Variants in MAP3K12 observed in about 807,000 individuals in gnomAD.
MAP3K12 encodes the protein MAPK-upstream kinase.
Under a neutral mutation model 87.5 loss-of-function variants are expected in MAP3K12, and 14 were observed. The observed-to-expected ratio is 0.16, with a 90% CI of 0.11 to 0.25. The LOEUF is 0.25. MAP3K12 is among the 10% of genes least tolerant of loss of function. The pLI, the probability that MAP3K12 is intolerant of heterozygous loss-of-function variation, is 1.00. For synonymous variants in MAP3K12, 469 were observed against 452.5 expected (o/e 1.04, Z -0.46); for missense variants, 802 against 1,140.4 (o/e 0.70, Z 4.27).
chr12:53,487,635 T>C (rs1943268173), intron 1 of MAP3K12: 1 of 524,262 alleles, frequency 1.9e-6, no homozygotes, highest in African/African-American at 1.9e-5. Context: ...CTCTCAGGCA[T>C]GTTAGTAAGG....
chr12:53,487,748 T>A (rs1943271695), intron 1 of MAP3K12: 1 of 219,536 alleles, frequency 4.6e-6, no homozygotes, highest in Non-Finnish European at 9.1e-6. Context: ...AGAGTAATGG[T>A]AACAGATGAG....
At chr12:53,484,898 CT>C in intron 6 of MAP3K12, 157 bp downstream of exon 6, 1 of 864,874 alleles carries the variant, frequency 1.2e-6, no homozygotes, top group East Asian at 2.7e-5. Flanking sequence ...CCAATTACCC[CT>C]GGTGACTCAG....
chr12:53,481,108 CATATATATATATAT>C lies in MAP3K12; in HGVS notation c.*60_*73del. ...CCATCTTTCTGTTGATTATGTGGCG[CATATATATATATAT>C]ATGTATATATATATAATTTATATAA... On this transcript the variant is annotated 3_prime_UTR_variant, in exon 14 of 14. Transcript: ENST00000547488. 1.7e-6 allele frequency: 1 copy of C among 580,816 alleles called. No homozygotes were observed. Among genetic ancestry groups the C allele is most frequent in the Non-Finnish European group, 2.3e-6 (1 of 428,958 alleles). The allele number at this position is 580,816 out of a possible 1,614,324, so 36.0% of individuals were successfully genotyped here.
rs1942962780 is a variant in MAP3K12, at chr12:53,480,179, G to C, written c.*1003C>G. The stretch of plus-strand genomic sequence containing the variant: ...AAGCAGTTGATCATATGTCTGACTG[G>C]GTTCCAGTTTCTTGGGAATGTTGGT... On this transcript the variant is annotated 3_prime_UTR_variant, in exon 14 of 14. Coordinates refer to ENST00000547488, the MANE Select transcript of MAP3K12 (RefSeq NM_001193511.2). The C allele has an allele frequency of 6.6e-6, 1 of 152,070 alleles. No individual in the cohort carries two copies. The highest frequency in any genetic ancestry group is 6.6e-5 in the Admixed American group (1 of 15,256). The allele number at this position is 152,070 out of a possible 1,614,324, so 9.4% of individuals were successfully genotyped here.
At chr12:53,497,500 G>A (rs1308337554) in intron 1 of MAP3K12, among the ~76,000 whole-genome samples, 1 of 152,062 alleles carries the variant, frequency 6.6e-6, no homozygotes, top group African/African-American at 2.4e-5. Context: ...CCTTCTCCAC[G>A]CACACATATG....
At chr12:53,499,216 C>T (rs1277243913) in intron 1 of MAP3K12, among the ~76,000 whole-genome samples, 1 of 151,996 alleles carries the variant, frequency 6.6e-6, no homozygotes, top group Non-Finnish European at 1.5e-5. Flanking sequence ...CAAGCTGGGC[C>T]GCGGCATCCC....
chr12:53,484,420 G>A, intron 6 of MAP3K12, 55 bp from the exon 7 acceptor site: 2 of 1,306,056 alleles, frequency 1.5e-6, no homozygotes, highest in Middle Eastern at 1.9e-4. Context: ...GGATCAGATA[G>A]GAACTGGAGC....
chr12:53,500,510 G>A (rs1229825949), upstream of MAP3K12: 1 of 152,298 alleles, frequency 6.6e-6, no homozygotes, highest in African/African-American at 2.4e-5. Flanking sequence ...TTCTAAAAAG[G>A]TTTCACAAAA....
rs746183671 is a variant in MAP3K12, at chr12:53,485,358, C to T, written c.939G>A (p.Glu313=). Residue 313 remains glutamate, a synonymous_variant, in exon 5 of 14, where the codon GAG becomes GAA. Coordinates refer to ENST00000547488, the MANE Select transcript of MAP3K12 (RefSeq NM_001193511.2). ...CAGACACAGGTTCATTGCGGATCAC[C>T]TCAGGGGCCATCCAGGCTACTGTCC... is the stretch of plus-strand genomic sequence containing the variant. The part of the protein sequence containing the change: ...FAGTVAWMAP[E]VIRNEPVSEK... The T allele has an allele frequency of 4.3e-6, 7 of 1,614,092 alleles. No individual in the cohort carries two copies. Among genetic ancestry groups the T allele is most frequent in the Admixed American group, 1.7e-5 (1 of 60,004 alleles).
intron 6 of MAP3K12, chr12:53,484,625 A>G: frequency 2.0e-6 from 1 of 488,636 alleles, no homozygotes; most frequent in Non-Finnish European, 3.6e-6. Flanking sequence ...GAATAACTTC[A>G]TTGAAGGAAC....
chr12:53,498,231 TCAGG>T (rs1943581543), intron 1 of MAP3K12, among the ~76,000 whole-genome samples: 2 of 152,140 alleles, frequency 1.3e-5, no homozygotes, highest in African/African-American at 4.8e-5. Context: ...ACAGGAAGGC[TCAGG>T]GGGCACTTGA....
chr12:53,486,629 G>A lies in MAP3K12; in HGVS notation c.446-7C>T. 6.3e-7 allele frequency: 1 copy of A among 1,576,072 alleles called. No homozygotes were observed. Among genetic ancestry groups the A allele is most frequent in the South Asian group, 1.1e-5 (1 of 87,444 alleles). On this transcript the variant is annotated splice_polypyrimidine_tract_variant and splice_region_variant and intron_variant, in intron 2 of 13. Transcript: ENST00000547488. This position sits in a 1 kb window ranked among gnomAD's most constrained non-coding sequence, Gnocchi z 4.9. The stretch of plus-strand genomic sequence containing the variant: ...AAGGGGACCTCCCAAAGGTCTGTGG[G>A]CAGGAGGCACAGTGCCACAAGCCTC...
intron 1 of MAP3K12, among the ~76,000 whole-genome samples, chr12:53,497,440 GAA>G (rs1383285522): frequency 6.6e-6 from 1 of 152,174 alleles, no homozygotes; most frequent in African/African-American, 2.4e-5. Flanking sequence ...GCTCTATCCT[GAA>G]TGATCTTTAG....
rs1189179659 is a variant in MAP3K12 at position 53,488,309 on chromosome 12, TC to T, written c.-37-882del. Reference sequence around the variant, plus strand: ...TCTTCTCCATTGCCCCATCCTCTGCTCCCCAAACTTTCCAGGCAATGGAGAT... The same window carrying T: ...TCTTCTCCATTGCCCCATCCTCTGCTCCCAAACTTTCCAGGCAATGGAGAT... On this transcript the variant is annotated intron_variant, in intron 1 of 13. Coordinates refer to ENST00000547488, the MANE Select transcript of MAP3K12 (RefSeq NM_001193511.2). 7.6e-4 allele frequency among the ~76,000 whole-genome samples: 115 copies of T among 152,206 alleles called. 1 individual carries two copies. The highest frequency in any genetic ancestry group is 8.8e-5 in the Non-Finnish European group (6 of 68,008).
chr12:53,492,622 AT>A (rs776240346), intron 1 of MAP3K12, among the ~76,000 whole-genome samples: 11 of 152,198 alleles, frequency 7.2e-5, no homozygotes, highest in Middle Eastern at 3.4e-3. Context: ...CCCACGCGTT[AT>A]TTGTGGCTTC....
At chr12:53,499,067 C>T (rs2137246915) in intron 1 of MAP3K12, among the ~76,000 whole-genome samples, 1 of 151,336 alleles carries the variant, frequency 6.6e-6, no homozygotes, top group African/African-American at 2.4e-5. Context: ...CAAAACTCTC[C>T]CTCCTCCTTC....
intron 1 of MAP3K12, among the ~76,000 whole-genome samples, chr12:53,488,592 C>T (rs1280733018): frequency 6.6e-6 from 1 of 151,702 alleles, no homozygotes; most frequent in African/African-American, 2.4e-5. Context: ...ACCCGGGAGG[C>T]TGAGGTTTTG....
chr12:53,485,924 G>A, intron 4 of MAP3K12, 132 bp downstream of exon 4: 1 of 780,718 alleles, frequency 1.3e-6, no homozygotes, highest in Admixed American at 2.8e-5. Context: ...TCTGAGATGG[G>A]ACTGTCACTT....
chr12:53,481,230 G>A lies in MAP3K12; in HGVS notation c.2631C>T (p.Asn877=). 3 of 1,565,250 alleles carry A rather than the reference G, an allele frequency of 1.9e-6. No individual in the cohort carries two copies. The highest frequency in any genetic ancestry group is 2.8e-5 in the African/African-American group (2 of 72,242). The change falls in exon 14 of 14, where the codon AAC becomes AAT. Residue 877 remains asparagine (N), a synonymous_variant. Coordinates refer to ENST00000547488, the MANE Select transcript of MAP3K12 (RefSeq NM_001193511.2). ...GCCGCAAGGCATCAACGCTGTTGGA[G>A]TTGTCCAATTCAGTGCTGTCACAGT... The part of the protein sequence containing the change: ...DSDCDSTELD[N]SNSVDALRPP...
Sources: gnomAD v4.1 joint callset for allele counts (sites outside exome capture counted in the v4.1 genomes callset) on GRCh38, gnomAD v4.1.1 for gene constraint, Gnocchi (gnomAD v3.1) non-coding constraint, MANE v1.5 for transcripts, NCBI Gene and HGNC (gene_info 2026-07-23, HGNC 2026-07-21) for gene names.